TRAPPC8: variants seen among roughly 807,000 people sequenced by gnomAD.
TRAPPC8 encodes the protein general sporulation gene 1 homolog.
In TRAPPC8, 54 loss-of-function variants were observed where a neutral mutation model predicts 174.3. That is an observed-to-expected ratio of 0.31 (90% CI 0.25 to 0.39). The LOEUF (loss-of-function observed/expected upper bound fraction) is 0.39, where lower values mean the gene tolerates loss of function less well. Among genes scored for constraint, TRAPPC8 ranks in the 10% least tolerant of loss-of-function variants. The probability of loss-of-function intolerance (pLI) is 1.00; values close to 1 mark genes in which losing one functional copy is unlikely to be tolerated. For missense variants in TRAPPC8, 1,531 were observed against 1,699.1 expected (o/e 0.90, Z 1.74); for synonymous variants, 630 against 579.9 (o/e 1.09, Z -1.24).
intron 25 of TRAPPC8, among the ~76,000 whole-genome samples, chr18:31,849,122 A>T (rs1469862490): frequency 6.6e-6 from 1 of 152,212 alleles, no homozygotes; most frequent in Non-Finnish European, 1.5e-5. Flanking sequence ...TTACAGATGA[A>T]ATATGTCATT....
chr18:31,853,867 T>G lies in TRAPPC8; in HGVS notation c.3415A>C (p.Asn1139His). 1 of 1,608,886 alleles carries G rather than the reference T, an allele frequency of 6.2e-7. No individual in the cohort carries two copies. The highest frequency in any genetic ancestry group is 8.5e-7 in the Non-Finnish European group (1 of 1,178,888). Residue 1139 changes from asparagine to histidine, a missense_variant, in exon 22 of 29, where the codon AAT becomes CAT. Transcript: ENST00000283351. ...AACAAACCTTTGTTTTCAGAAAGATTTACAGATTTCTGTAACTTCCAGTGT... is the reference window on the plus strand; with the variant it reads ...AACAAACCTTTGTTTTCAGAAAGATGTACAGATTTCTGTAACTTCCAGTGT... Reference protein sequence around the residue: ...SKHWKLQKSVNLSENKDTKLA... With the variant: ...SKHWKLQKSVHLSENKDTKLA...
At chr18:31,884,859 T>G (rs1048314655) in intron 12 of TRAPPC8, among the ~76,000 whole-genome samples, 17 of 151,188 alleles carry the variant, frequency 1.1e-4, no homozygotes, top group African/African-American at 1.9e-4. Flanking sequence ...ATTAAGTTTT[T>G]TTTTTTTTTT....
At chr18:31,877,887 C>T (rs560752790) in intron 12 of TRAPPC8, among the ~76,000 whole-genome samples, 72 of 150,172 alleles carry the variant, frequency 4.8e-4, no homozygotes, top group African/African-American at 1.7e-3. Context: ...CGCACCATTG[C>T]ACTCCAGCCT....
At chr18:31,913,545 A>G in intron 4 of TRAPPC8, 23 bp from the exon 5 acceptor site, 1 of 1,548,100 alleles carries the variant, frequency 6.5e-7, no homozygotes, top group Non-Finnish European at 8.7e-7. Context: ...ATGGAAAAAA[A>G]TCTGAAGTAA....
intron 19 of TRAPPC8, 142 bp from the exon 20 acceptor site, chr18:31,858,124 T>C (rs1386470183): frequency 6.1e-6 from 4 of 659,174 alleles, no homozygotes; most frequent in African/African-American, 3.6e-5. Flanking sequence ...CCTGAATATG[T>C]GGCAGTTAAT....
chr18:31,899,513 C>T (rs1243095182), intron 10 of TRAPPC8, among the ~76,000 whole-genome samples: 5 of 152,180 alleles, frequency 3.3e-5, no homozygotes, highest in Non-Finnish European at 5.9e-5. Context: ...CTATATCTGC[C>T]TTCCAGTGCA....
At position 31,855,806 on chromosome 18, in the gene TRAPPC8, G is replaced by A; in HGVS notation, c.3190C>T (p.His1064Tyr). ...ESVKKQPKIR[H>Y]RILRHTAIIC... is the part of the protein sequence containing the mutation. ...ATTGCAGTGTGTCTTAATATTCTGT[G>A]CCTGAAGTTAAAAAAAAAAAAAAAA... The change falls in exon 21 of 29, where the codon CAC (histidine) becomes TAC (tyrosine). Residue 1064 changes from histidine to tyrosine, a missense_variant and splice_region_variant. Transcript: ENST00000283351. The A allele has an allele frequency of 6.4e-7, 1 of 1,562,284 alleles. No individual in the cohort carries two copies. The highest frequency in any genetic ancestry group is 8.6e-7 in the Non-Finnish European group (1 of 1,167,150).
chr18:31,881,888 A>T (rs947660663), intron 12 of TRAPPC8, among the ~76,000 whole-genome samples: 12 of 152,164 alleles, frequency 7.9e-5, no homozygotes, highest in Admixed American at 5.2e-4. Context: ...AAAATACTGA[A>T]CATCACTAAT....
Position 31,846,809 on chromosome 18 carries a change from A to T in TRAPPC8, c.3744T>A (p.Val1248=). The T allele has an allele frequency of 6.2e-7, 1 of 1,609,974 alleles. No homozygotes were observed. The highest frequency in any genetic ancestry group is 8.5e-7 in the Non-Finnish European group (1 of 1,177,430). The change falls in exon 26 of 29, where the codon GTT becomes GTA. Residue 1248 remains valine (V), a synonymous_variant. Coordinates refer to ENST00000283351, the MANE Select transcript of TRAPPC8 (RefSeq NM_014939.5). ...LNIVILWKAY[V]VEDSKQLILE... is the part of the protein sequence containing the mutation. ...AAATAAGCTGTTTACTGTCTTCCAC[A>T]ACGTATGCCTAAAAAATGCAAAGTA...
intron 20 of TRAPPC8, among the ~76,000 whole-genome samples, chr18:31,857,067 T>C (rs1462289310): frequency 6.6e-6 from 1 of 152,202 alleles, no homozygotes; most frequent in East Asian, 1.9e-4. Flanking sequence ...TCATCTATTG[T>C]AACACCATTA....
chr18:31,890,770 T>A lies in TRAPPC8; in HGVS notation c.1693A>T (p.Ile565Leu), dbSNP rs2035920267. ...TTACTAAATCGATGGCCTGCCAATA[T>A]CATATGAAATGCATATTTTCTAACC... The part of the protein sequence containing the change: ...PMVRKYAFHM[I>L]LAGHRFSKAG... The change falls in exon 12 of 29, where the codon ATA becomes TTA. Residue 565 changes from isoleucine to leucine, a missense_variant. By Grantham distance (5) the Ile-to-Leu change is conservative. Transcript: ENST00000283351. 1.2e-6 allele frequency: 2 copies of A among 1,612,196 alleles called. No homozygotes were observed. Among genetic ancestry groups the A allele is most frequent in the South Asian group, 2.2e-5 (2 of 90,870 alleles).
At chr18:31,831,130 A>G in intron 28 of TRAPPC8, 141 bp from the exon 29 acceptor site, 1 of 633,572 alleles carries the variant, frequency 1.6e-6, no homozygotes, top group South Asian at 2.0e-5. Context: ...AGGCAGGTGG[A>G]TCACCTGAGA....
rs1357076390 is a variant in TRAPPC8, at chr18:31,901,046, T to C, written c.1390-21A>G. On this transcript the variant is annotated intron_variant, in intron 9 of 28. Transcript: ENST00000283351. ...ATTTCCTAAAATAAAAGACATAGTT[T>C]ACATATTTCAAAAGAAGAAACAGTC... 3.2e-6 allele frequency: 5 copies of C among 1,560,940 alleles called. No individual in the cohort carries two copies. The East Asian group carries it at 1.1e-4, about 36-fold the overall frequency.
chr18:31,922,176 T>G (rs1394690652), intron 2 of TRAPPC8, among the ~76,000 whole-genome samples: 2 of 152,194 alleles, frequency 1.3e-5, no homozygotes, highest in African/African-American at 4.8e-5. Flanking sequence ...TATATAATTT[T>G]GAGTTTGAAA....
At position 31,873,563 on chromosome 18, in the gene TRAPPC8, A is replaced by G. The variant is rs983733107; in HGVS notation, c.1954-25T>C. 18 of 1,552,972 alleles carry G rather than the reference A, an allele frequency of 1.2e-5. No homozygotes were observed. In the Admixed American group the frequency reaches 2.7e-4, roughly 23 times the overall value. On this transcript the variant is annotated intron_variant, in intron 13 of 28. Coordinates refer to ENST00000283351, the MANE Select transcript of TRAPPC8 (RefSeq NM_014939.5). ...TCTGAGAGAAATATAAAAGGGAAAA[A>G]AAGTAGTTTTTGTGAAAATGGTATT...
Position 31,853,875 on chromosome 18 carries a change from T to G in TRAPPC8, c.3407A>C (p.Lys1136Thr). 1 of 1,610,368 alleles carries G rather than the reference T, an allele frequency of 6.2e-7. No individual in the cohort carries two copies. The highest frequency in any genetic ancestry group is 8.5e-7 in the Non-Finnish European group (1 of 1,179,196). ...SSSSKHWKLQ[K>T]SVNLSENKDT... ...TTTGTTTTCAGAAAGATTTACAGAT[T>G]TCTGTAACTTCCAGTGTTTGCTACT... The change falls in exon 22 of 29, where the codon AAA becomes ACA. Residue 1136 changes from lysine (K) to threonine (T), a missense_variant. Transcript: ENST00000283351.
At chr18:31,922,585 C>T (rs928248538) in intron 2 of TRAPPC8, among the ~76,000 whole-genome samples, 18 of 152,230 alleles carry the variant, frequency 1.2e-4, no homozygotes, top group Admixed American at 1.3e-4. Context: ...CAGAGCAAGA[C>T]CCTGTCTCAA....
chr18:31,854,944 C>T (rs75668988), intron 21 of TRAPPC8, among the ~76,000 whole-genome samples: 11,942 of 117,390 alleles, frequency 0.1, 743 homozygotes, highest in East Asian at 0.34. Flanking sequence ...CCAGTCTGGG[C>T]GACAGAGCAA....
chr18:31,908,724 A>T, intron 7 of TRAPPC8, 30 bp downstream of exon 7: 2 of 1,504,376 alleles, frequency 1.3e-6, no homozygotes, highest in Non-Finnish European at 1.8e-6. Context: ...TTAAATTTTT[A>T]AAATACTAAT....
Sources: allele counts gnomAD v4.1 joint callset (sites outside exome capture counted in the v4.1 genomes callset), GRCh38; gene constraint gnomAD v4.1.1; transcripts MANE v1.5; gene names NCBI Gene and HGNC (gene_info 2026-07-23, HGNC 2026-07-21).